Variants in LPP observed in about 807,000 individuals in gnomAD.
LPP encodes LIM domain containing preferred translocation partner in lipoma, also known as lipoma-preferred partner.
A neutral mutation model predicts 60.4 loss-of-function variants in LPP; 38 were observed. The observed-to-expected ratio is 0.63, with a 90% CI of 0.49 to 0.83. LPP has a LOEUF of 0.83. LPP is among the 40% of genes least tolerant of loss of function. The probability of loss-of-function intolerance (pLI) is 0.00; values close to 1 mark genes in which losing one functional copy is unlikely to be tolerated. For synonymous variants in LPP, 328 were observed against 290.8 expected, an observed-to-expected ratio of 1.13 and a Z score of -1.30; for missense variants, 902 against 783.6, an observed-to-expected ratio of 1.15 and a Z score of -1.80.
At chr3:188,704,469 C>T (rs1391496131) in intron 7 of LPP, among the ~76,000 whole-genome samples, 2 of 152,088 alleles carry the variant, frequency 1.3e-5, no homozygotes, top group Admixed American at 6.5e-5. Context: ...AGGTCATAGT[C>T]AAATCTCTGT....
chr3:188,830,928 A>G (rs16863638), intron 9 of LPP, among the ~76,000 whole-genome samples: 1,529 of 152,332 alleles, frequency 0.01, 29 homozygotes, highest in African/African-American at 0.035. Flanking sequence ...AGACTTGGAA[A>G]TATTGAAATT....
chr3:188,366,427 T>G (rs898777637), intron 3 of LPP, among the ~76,000 whole-genome samples: 2 of 152,164 alleles, frequency 1.3e-5, no homozygotes, highest in African/African-American at 2.4e-5. Flanking sequence ...GGGCACTCTC[T>G]TTCCCTCACC....
intron 3 of LPP, among the ~76,000 whole-genome samples, chr3:188,380,230 A>G (rs1776495322): frequency 6.6e-6 from 1 of 152,222 alleles, no homozygotes; most frequent in South Asian, 2.1e-4. Flanking sequence ...TTCTGTTATA[A>G]TTATTTTTTA....
chr3:188,585,852 G>A (rs560395961), intron 6 of LPP, among the ~76,000 whole-genome samples: 2 of 152,310 alleles, frequency 1.3e-5, no homozygotes, highest in African/African-American at 2.4e-5. Context: ...GTATATTTAT[G>A]TACAGATATA....
Position 188,333,550 on chromosome 3 carries a change from G to T in LPP, c.-66-8113G>T, listed in dbSNP as rs758794813. Among the ~76,000 whole-genome samples the T allele has an allele frequency of 4.6e-5, 7 of 152,136 alleles. 1 individual carries two copies. In the South Asian group the frequency reaches 1.5e-3, roughly 32 times the overall value. ...ATTAAACTAAGCTTTTGAGTGACCG[G>T]ATTGGCTACTTCTCTTAAAGTGAGT... On this transcript the variant is annotated intron_variant, in intron 2 of 11. Coordinates refer to ENST00000617246, the MANE Select transcript of LPP (RefSeq NM_001375462.1).
rs190202667 is a variant in LPP, at chr3:188,888,796, G to A, written c.*14317G>A. On this transcript the variant is annotated 3_prime_UTR_variant, in exon 12 of 12. Coordinates refer to ENST00000617246, the MANE Select transcript of LPP (RefSeq NM_001375462.1). ...TCACTTCCAATATCCCCTCTCAAGC[G>A]GCTACCGTGAAACGGGCTGCAAACA... 5.0e-4 allele frequency: 111 copies of A among 221,054 alleles called. No individual in the cohort carries two copies. Among genetic ancestry groups the A allele is most frequent in the African/African-American group, 1.7e-3 (76 of 44,726 alleles). 13.7% of individuals were successfully genotyped at this position (221,054 alleles called of 1,614,324 possible).
intron 5 of LPP, among the ~76,000 whole-genome samples, chr3:188,495,086 T>A (rs1306766900): frequency 2.2e-4 from 5 of 22,534 alleles, no homozygotes; most frequent in Admixed American, 2.1e-3. Flanking sequence ...ATATATATTT[T>A]ATTTATATTT....
chr3:188,280,247 A>G lies in LPP; in HGVS notation c.-67+54720A>G, dbSNP rs568377867. ...ATGTAATGGCCCAGATGAAAGGAGA[A>G]AGCGGAGCTGCATGGCTGCTTTCTG... On this transcript the variant is annotated intron_variant, in intron 2 of 11. Coordinates refer to ENST00000617246, the MANE Select transcript of LPP (RefSeq NM_001375462.1). 1.9e-4 allele frequency among the ~76,000 whole-genome samples: 29 copies of G among 152,304 alleles called. No individual in the cohort carries two copies. The East Asian group carries it at 5.6e-3, about 29-fold the overall frequency.
At chr3:188,533,353 GAGACAT>G (rs1256630174) in intron 6 of LPP, among the ~76,000 whole-genome samples, 1 of 152,222 alleles carries the variant, frequency 6.6e-6, no homozygotes, top group African/African-American at 2.4e-5. Flanking sequence ...ACTGTGTGAT[GAGACAT>G]AGACTGTCCC....
At chr3:188,584,539 T>G (rs1433026466) in intron 6 of LPP, 4 of 116,888 alleles carry the variant, frequency 3.4e-5, no homozygotes, top group African/African-American at 7.1e-5. Context: ...TTTCTTTTAA[T>G]TTTAGTCGTG....
intron 5 of LPP, among the ~76,000 whole-genome samples, chr3:188,490,077 A>T (rs182636215): frequency 1.1e-3 from 173 of 152,290 alleles, no homozygotes; most frequent in African/African-American, 3.9e-3. Context: ...TTGAGTAGAA[A>T]TGTGTCCCTT....
chr3:188,663,062 A>G (rs1204966164), intron 7 of LPP, among the ~76,000 whole-genome samples: 1 of 152,256 alleles, frequency 6.6e-6, no homozygotes, highest in African/African-American at 2.4e-5. Context: ...AACAGAAGAC[A>G]CTACAAAGTC....
intron 1 of LPP, among the ~76,000 whole-genome samples, chr3:188,201,787 G>A (rs1046754827): frequency 3.3e-5 from 5 of 152,110 alleles, no homozygotes; most frequent in African/African-American, 9.7e-5. Flanking sequence ...GCATTTAGTG[G>A]TTGGGGCCAG....
intron 3 of LPP, among the ~76,000 whole-genome samples, chr3:188,373,994 G>A (rs1413605266): frequency 6.6e-6 from 1 of 152,066 alleles, no homozygotes; most frequent in East Asian, 1.9e-4. Flanking sequence ...TTTTTGTCAG[G>A]TTTGTCAAAG....
intron 8 of LPP, among the ~76,000 whole-genome samples, chr3:188,753,702 A>C (rs1236231607): frequency 1.3e-5 from 2 of 151,606 alleles, no homozygotes; most frequent in East Asian, 1.9e-4. Flanking sequence ...CTGTCTCCGA[A>C]ACTGTTTTGT....
chr3:188,395,747 A>G (rs1780790934), intron 3 of LPP, among the ~76,000 whole-genome samples: 1 of 150,954 alleles, frequency 6.6e-6, no homozygotes, highest in Non-Finnish European at 1.5e-5. Context: ...CCCTGTCTTT[A>G]CAAAAAAAAT....
chr3:188,162,616 TA>T (rs745528945), intron 1 of LPP, among the ~76,000 whole-genome samples: 28 of 152,124 alleles, frequency 1.8e-4, no homozygotes, highest in Non-Finnish European at 3.4e-4. Context: ...ATGTTTGGGC[TA>T]ACCACAAGCC....
intron 7 of LPP, among the ~76,000 whole-genome samples, chr3:188,635,559 CCTCTAAGAGG>C (rs1203982972): frequency 6.6e-6 from 1 of 152,124 alleles, no homozygotes; most frequent in African/African-American, 2.4e-5. Flanking sequence ...TGCTACTGAG[CCTCTAAGAGG>C]CTCCATTTCT....
chr3:188,250,851 TTCTC>T (rs1380114734), intron 2 of LPP, among the ~76,000 whole-genome samples: 24 of 149,706 alleles, frequency 1.6e-4, no homozygotes, highest in African/African-American at 4.7e-4. Flanking sequence ...CTTTTTCTCT[TTCTC>T]TCTTTCTTTT....
Sources: allele counts gnomAD v4.1 joint callset (sites outside exome capture counted in the v4.1 genomes callset), GRCh38; gene constraint gnomAD v4.1.1; transcripts MANE v1.5; gene names NCBI Gene and HGNC (gene_info 2026-07-23, HGNC 2026-07-21).